Variants in VRK3 observed in about 807,000 individuals in gnomAD.
VRK3 encodes the protein serine/threonine-protein kinase VRK3.
Under a neutral mutation model 60.4 loss-of-function variants are expected in VRK3, and 50 were observed. That is an observed-to-expected ratio of 0.83 (90% CI 0.66 to 1.05). The LOEUF is 1.05. Ranked by LOEUF, VRK3 falls within the 50% of genes least tolerant of loss-of-function variation. VRK3 has a pLI of 0.00. For synonymous variants in VRK3, 246 were observed against 227.8 expected (o/e 1.08, Z -0.72); for missense variants, 549 against 585.3 (o/e 0.94, Z 0.64).
rs377278802 is a variant in VRK3 at position 49,983,768 on chromosome 19, C to T, written c.1218-2755G>A. Among the ~76,000 whole-genome samples the T allele has an allele frequency of 7.8e-4, 119 of 152,332 alleles. No homozygotes were observed. In the Middle Eastern group the frequency reaches 0.01, roughly 13 times the overall value. On this transcript the variant is annotated intron_variant, in intron 12 of 14. Coordinates refer to ENST00000316763, the MANE Select transcript of VRK3 (RefSeq NM_016440.4). Reference sequence around the variant, plus strand: ...CATGTATACCAGTAAACCGTCCTAGCGCAGGGCACCTTAGGGTGCCAGGAA... The same window carrying T: ...CATGTATACCAGTAAACCGTCCTAGTGCAGGGCACCTTAGGGTGCCAGGAA...
chr19:49,997,525 G>A lies in VRK3; in HGVS notation c.658C>T (p.Arg220Trp), dbSNP rs746898837. 5.6e-6 allele frequency: 9 copies of A among 1,613,678 alleles called. No homozygotes were observed. The highest frequency in any genetic ancestry group is 3.3e-5 in the South Asian group (3 of 91,052). The stretch of plus-strand genomic sequence containing the variant: ...GTACCTTGCAGAGGCTTGGCGGCCC[G>A]CTGGAAGAAGTTCTGCTCATTGAAC... Reference protein sequence around the residue: ...RLFNEQNFFQRAAKPLQVNKW... With the variant: ...RLFNEQNFFQWAAKPLQVNKW... Residue 220 changes from arginine to tryptophan, a missense_variant, in exon 7 of 15, where the codon CGG becomes TGG. By Grantham distance (101) the Arg-to-Trp change is moderately radical. Transcript: ENST00000316763.
In VRK3 at chr19:50,003,425, G is replaced by C. The variant is rs565000973; in HGVS notation, c.548-2571C>G. Among the ~76,000 whole-genome samples, 318 of 152,354 alleles carry C rather than the reference G, an allele frequency of 2.1e-3. 2 individuals carry two copies. The highest frequency in any genetic ancestry group is 7.3e-3 in the African/African-American group (305 of 41,592). ...AAAGGCAGAAGCTGCAGAGGGCAGC[G>C]TGGGCCCGACCCTGAGCTGCTGCTC... On this transcript the variant is annotated intron_variant, in intron 5 of 14. Transcript: ENST00000316763.
At chr19:50,009,502 C>G in intron 3 of VRK3, 117 bp from the exon 4 acceptor site, 1 of 1,184,404 alleles carries the variant, frequency 8.4e-7, no homozygotes, top group Non-Finnish European at 1.2e-6. Context: ...CCCTCAACAC[C>G]AATTCTTGCT....
At chr19:50,007,443 A>G in intron 5 of VRK3, 126 bp downstream of exon 5, 1 of 1,423,190 alleles carries the variant, frequency 7.0e-7, no homozygotes. Flanking sequence ...GTCTAAGAGA[A>G]AGTTGCCTAG....
intron 7 of VRK3, among the ~76,000 whole-genome samples, chr19:49,996,743 T>C (rs142359207): frequency 0.019 from 2,808 of 151,418 alleles, 76 homozygotes; most frequent in African/African-American, 0.065. Context: ...CAGCCTCCCA[T>C]GTAGCTGAGA....
chr19:49,981,402 G>A (rs1249305502), intron 12 of VRK3, among the ~76,000 whole-genome samples: 3 of 152,090 alleles, frequency 2.0e-5, no homozygotes, highest in Admixed American at 6.6e-5. Flanking sequence ...AAAACTAGCC[G>A]GGTGTGGTGG....
intron 14 of VRK3, among the ~76,000 whole-genome samples, chr19:49,977,901 C>A (rs935480682): frequency 6.6e-6 from 1 of 152,158 alleles, no homozygotes; most frequent in Non-Finnish European, 1.5e-5. Context: ...CCACTCTGTG[C>A]GCAGGTGCTC....
intron 6 of VRK3, 88 bp downstream of exon 6, chr19:50,000,702 C>T: frequency 6.7e-7 from 1 of 1,490,434 alleles, no homozygotes; most frequent in South Asian, 1.2e-5. Flanking sequence ...GCCGAGCTCT[C>T]CCAGCTGACA....
Position 50,009,258 on chromosome 19 carries a change from CAG to C in VRK3, c.265_266del (p.Leu89GlufsTer4), listed in dbSNP as rs1465803828. 3 of 1,614,002 alleles carry C rather than the reference CAG, an allele frequency of 1.9e-6. No individual in the cohort carries two copies. Among genetic ancestry groups the C allele is most frequent in the Admixed American group, 1.7e-5 (1 of 59,994 alleles). ...DGDSSESEDT[L>X]SSSERSKGSG... ...TACCTTTGGATCTCTCAGAGGAACT[CAG>C]AGTATCTTCAGACTCAGAACTGTCA... On this transcript the variant is annotated frameshift_variant, in exon 4 of 15. Coordinates refer to ENST00000316763, the MANE Select transcript of VRK3 (RefSeq NM_016440.4). LOFTEE classifies it high-confidence loss of function.
intron 5 of VRK3, among the ~76,000 whole-genome samples, chr19:50,002,012 C>T (rs573598314): frequency 1.3e-5 from 2 of 152,298 alleles, no homozygotes; most frequent in East Asian, 3.9e-4. Context: ...GATTGCTCCA[C>T]AGGTGGTGGC....
Position 49,995,447 on chromosome 19 carries a change from G to T in VRK3, c.680-172C>A, listed in dbSNP as rs2278409. Among the ~76,000 whole-genome samples, 1,312 of 152,318 alleles carry T rather than the reference G, an allele frequency of 8.6e-3. 77 individuals carry two copies. The East Asian group carries it at 0.11, about 13-fold the overall frequency. On this transcript the variant is annotated intron_variant, in intron 7 of 14. Coordinates refer to ENST00000316763, the MANE Select transcript of VRK3 (RefSeq NM_016440.4). ...TGGGAAGGGGCTGGTGACAGGGCAG[G>T]CATGGGTGACCATGAATGTCTGTGA... is the stretch of plus-strand genomic sequence containing the variant.
chr19:50,011,144 AT>A (rs1199231583), intron 3 of VRK3, among the ~76,000 whole-genome samples: 2 of 152,144 alleles, frequency 1.3e-5, no homozygotes, highest in Non-Finnish European at 2.9e-5. Context: ...CTGCACCCCA[AT>A]AAAACACAGG....
At chr19:49,992,783 GAAAT>G (rs2076633338) in intron 10 of VRK3, 73 bp downstream of exon 10, 5 of 1,377,026 alleles carry the variant, frequency 3.6e-6, no homozygotes, top group Middle Eastern at 1.8e-4. Flanking sequence ...TAAGCACTAT[GAAAT>G]AAATAGAGAT....
rs767602442 is a variant in VRK3, at chr19:49,979,130, A to G, written c.1389T>C (p.Ser463=). 3.7e-6 allele frequency: 6 copies of G among 1,613,804 alleles called. No homozygotes were observed. Among genetic ancestry groups the G allele is most frequent in the Non-Finnish European group, 4.2e-6 (5 of 1,179,804 alleles). ...LEALLQDLRV[S]PYDPIGLPMV... ...TCGGGAGGCCAATGGGGTCATATGG[A>G]GACACACGCAGATCCTGCAGCAAAG... Residue 463 remains serine, a synonymous_variant, in exon 14 of 15, where the codon TCT becomes TCC. Transcript: ENST00000316763.
intron 2 of VRK3, chr19:50,019,177 A>AG (rs1568819314): frequency 1.9e-5 from 2 of 105,116 alleles, no homozygotes; most frequent in African/African-American, 1.1e-4. Context: ...AAAAAAAAAA[A>AG]AAAAAAAAAA....
intron 2 of VRK3, among the ~76,000 whole-genome samples, chr19:50,018,002 T>C (rs1450480540): frequency 1.3e-5 from 2 of 152,172 alleles, no homozygotes; most frequent in Admixed American, 1.3e-4. Flanking sequence ...TTATTCACTG[T>C]AAAGGCTGGC....
At position 50,000,858 on chromosome 19, in the gene VRK3, T is replaced by TG. The variant is rs759311613; in HGVS notation, c.548-5dup. 3.5e-5 allele frequency: 57 copies of TG among 1,613,198 alleles called. No individual in the cohort carries two copies. The highest frequency in any genetic ancestry group is 4.8e-5 in the Non-Finnish European group (57 of 1,179,680). ...GTGAGGGTGGAGGTGGGTGCAGCTG[T>TG]GGGGGAACAAACAAGGGAGTGAGGT... On this transcript the variant is annotated splice_region_variant and splice_polypyrimidine_tract_variant and intron_variant, in intron 5 of 14. Transcript: ENST00000316763.
At chr19:49,988,867 C>A (rs28604969) in intron 11 of VRK3, among the ~76,000 whole-genome samples, 1 of 152,088 alleles carries the variant, frequency 6.6e-6, no homozygotes, top group Admixed American at 6.5e-5. Context: ...CTATAGCGTG[C>A]GACTACCTGA....
chr19:50,019,972 A>G (rs1196313003), intron 2 of VRK3, among the ~76,000 whole-genome samples: 1 of 151,646 alleles, frequency 6.6e-6, no homozygotes, highest in Non-Finnish European at 1.5e-5. Context: ...TCCGTCTCCT[A>G]GGTTCAAGCG....
Sources: gnomAD v4.1 joint callset for allele counts (sites outside exome capture counted in the v4.1 genomes callset) on GRCh38, gnomAD v4.1.1 for gene constraint, MANE v1.5 for transcripts, NCBI Gene and HGNC (gene_info 2026-07-23, HGNC 2026-07-21) for gene names.